WWOX: variants seen among roughly 807,000 people sequenced by gnomAD.
WWOX encodes the protein WW domain-containing oxidoreductase.
WWOX carries 69 observed loss-of-function variants against 46.2 expected under a neutral mutation model. The observed-to-expected ratio is 1.49, with a 90% CI of 1.23 to 1.82. WWOX has a LOEUF of 1.82. Among genes scored for constraint, WWOX ranks in the 40% most tolerant of loss-of-function variants. The probability of loss-of-function intolerance (pLI) is 0.00; values close to 1 mark genes in which losing one functional copy is unlikely to be tolerated. For synonymous variants in WWOX, 359 were observed against 202.6 expected (o/e 1.77, Z -6.56); for missense variants, 919 against 542.6 (o/e 1.69, Z -6.89).
At chr16:78,185,023 G>A (rs1394366311) in intron 5 of WWOX, among the ~76,000 whole-genome samples, 1 of 152,192 alleles carries the variant, frequency 6.6e-6, no homozygotes, top group African/African-American at 2.4e-5. Context: ...ACTGCTGGAT[G>A]TTGTGACAGA....
intron 8 of WWOX, among the ~76,000 whole-genome samples, chr16:78,669,590 C>T (rs919949636): frequency 3.9e-5 from 6 of 152,166 alleles, no homozygotes; most frequent in African/African-American, 1.2e-4. Flanking sequence ...AGAAACGTGA[C>T]CTAGCTGGAA....
chr16:78,707,205 C>G (rs1038359190), intron 8 of WWOX, among the ~76,000 whole-genome samples: 11 of 152,158 alleles, frequency 7.2e-5, no homozygotes, highest in East Asian at 1.9e-4. Flanking sequence ...ACCCCTTACT[C>G]CCATCAGAGC....
intron 8 of WWOX, among the ~76,000 whole-genome samples, chr16:78,497,133 G>T (rs2084936316): frequency 6.6e-6 from 1 of 152,212 alleles, no homozygotes. Flanking sequence ...CCTTCTGTTA[G>T]GTGTATGTCT....
intron 8 of WWOX, among the ~76,000 whole-genome samples, chr16:78,491,619 C>CACCTGGCTACCGT (rs1359809150): frequency 6.6e-6 from 1 of 152,080 alleles, no homozygotes; most frequent in African/African-American, 2.4e-5. Flanking sequence ...TGCGCTACCA[C>CACCTGGCTACCGT]ACCTGGCTAC....
chr16:78,370,976 A>ATGTTT (rs776317489), intron 5 of WWOX, among the ~76,000 whole-genome samples: 1 of 128,586 alleles, frequency 7.8e-6, no homozygotes, highest in Non-Finnish European at 1.7e-5. Context: ...CTGTGTTGTG[A>ATGTTT]TTTCTTTTTT....
chr16:78,587,607 C>A lies in WWOX; in HGVS notation c.1056+154855C>A, dbSNP rs571132467. Among the ~76,000 whole-genome samples the A allele has an allele frequency of 1.4e-3, 220 of 152,162 alleles. 1 individual carries two copies. The highest frequency in any genetic ancestry group is 5.2e-3 in the African/African-American group (216 of 41,534). On this transcript the variant is annotated intron_variant, in intron 8 of 8. Transcript: ENST00000566780. ...CAGAGATGTTGATGAGAAGAAATGT[C>A]ACTTTCTTTGGTGTTGGATCCATAG... is the stretch of plus-strand genomic sequence containing the variant.
intron 8 of WWOX, among the ~76,000 whole-genome samples, chr16:78,471,097 C>T (rs547475648): frequency 7.2e-5 from 11 of 152,324 alleles, no homozygotes; most frequent in East Asian, 3.9e-4. Flanking sequence ...CCAGCCTTAG[C>T]GGTTTTCTTG....
At chr16:78,756,222 C>T (rs1370320406) in intron 8 of WWOX, among the ~76,000 whole-genome samples, 2 of 152,106 alleles carry the variant, frequency 1.3e-5, no homozygotes, top group Admixed American at 6.5e-5. Flanking sequence ...TCTCCCTTTC[C>T]AGCTGGCCCT....
chr16:78,643,996 G>T (rs2142122621), intron 8 of WWOX, among the ~76,000 whole-genome samples: 1 of 152,290 alleles, frequency 6.6e-6, no homozygotes, highest in Admixed American at 6.5e-5. Context: ...GCCAAGATGG[G>T]CAGATCACGT....
chr16:79,132,164 A>ACC (rs1567571795), intron 8 of WWOX, among the ~76,000 whole-genome samples: 1 of 142,930 alleles, frequency 7.0e-6, no homozygotes, highest in African/African-American at 2.7e-5. Flanking sequence ...ACACACACAC[A>ACC]CACCCCTTCC....
intron 8 of WWOX, among the ~76,000 whole-genome samples, chr16:78,560,407 C>T (rs2044407598): frequency 6.6e-6 from 1 of 152,158 alleles, no homozygotes; most frequent in Non-Finnish European, 1.5e-5. Flanking sequence ...CTTTGGGAGG[C>T]CGAGGTGGGT....
intron 8 of WWOX, among the ~76,000 whole-genome samples, chr16:78,969,018 C>G (rs192405158): frequency 5.9e-5 from 9 of 152,110 alleles, no homozygotes; most frequent in African/African-American, 1.9e-4. Context: ...GCCTGGAACC[C>G]GGGGAGTGGC....
intron 5 of WWOX, among the ~76,000 whole-genome samples, chr16:78,368,351 C>T (rs1365170505): frequency 6.6e-6 from 1 of 152,156 alleles, no homozygotes; most frequent in Non-Finnish European, 1.5e-5. Flanking sequence ...CCACAATTTC[C>T]CCACATGCCC....
At chr16:78,544,623 C>T (rs536320118) in intron 8 of WWOX, among the ~76,000 whole-genome samples, 27 of 152,264 alleles carry the variant, frequency 1.8e-4, no homozygotes, top group African/African-American at 6.5e-4. Flanking sequence ...TGGTGGCTCA[C>T]ACCTCTAATT....
chr16:78,706,139 C>G (rs1049197244), intron 8 of WWOX, among the ~76,000 whole-genome samples: 1 of 132,438 alleles, frequency 7.6e-6, no homozygotes, highest in East Asian at 2.3e-4. Context: ...AAAAATCATT[C>G]TTAATTAAGG....
chr16:78,227,067 G>T (rs992624169), intron 5 of WWOX, among the ~76,000 whole-genome samples: 2 of 152,128 alleles, frequency 1.3e-5, no homozygotes, highest in African/African-American at 4.8e-5. Flanking sequence ...TTCCCGTTCT[G>T]ATCCTCACTG....
intron 8 of WWOX, among the ~76,000 whole-genome samples, chr16:78,946,997 A>G (rs1267185649): frequency 6.6e-6 from 1 of 151,770 alleles, no homozygotes; most frequent in African/African-American, 2.4e-5. Context: ...GTGAAGAGGG[A>G]CTTTGTTCCC....
rs2047815507 is a variant in WWOX, at chr16:78,684,732, T to C, written c.1056+251980T>C. ...TTCAGCTGCTTTAAACTCTACTTTTTAGTGGGACGCATCATACTGAACTAT... is the reference window on the plus strand; with the variant it reads ...TTCAGCTGCTTTAAACTCTACTTTTCAGTGGGACGCATCATACTGAACTAT... On this transcript the variant is annotated intron_variant, in intron 8 of 8. Transcript: ENST00000566780. Among the ~76,000 whole-genome samples, 3 of 152,154 alleles carry C rather than the reference T, an allele frequency of 2.0e-5. No individual in the cohort carries two copies. The South Asian group carries it at 6.2e-4, about 31-fold the overall frequency.
At position 78,577,953 on chromosome 16, in the gene WWOX, A is replaced by G. The variant is rs75009663; in HGVS notation, c.1056+145201A>G. Among the ~76,000 whole-genome samples the G allele has an allele frequency of 3.7e-3, 567 of 152,108 alleles. 1 individual carries two copies. Among genetic ancestry groups the G allele is most frequent in the African/African-American group, 0.013 (551 of 41,478 alleles). On this transcript the variant is annotated intron_variant, in intron 8 of 8. Transcript: ENST00000566780. ...CTTGTGGCCACAGTTTTTCCAGATA[A>G]CCAAGACTCACTAATATTTTCACAA...
Sources: gnomAD v4.1 joint callset for allele counts (sites outside exome capture counted in the v4.1 genomes callset) on GRCh38, gnomAD v4.1.1 for gene constraint, MANE v1.5 for transcripts, NCBI Gene and HGNC (gene_info 2026-07-23, HGNC 2026-07-21) for gene names.